Variants in CACNA1C observed in about 807,000 individuals in gnomAD.
CACNA1C encodes the protein voltage-dependent L-type calcium channel subunit alpha-1C.
A neutral mutation model predicts 229.0 loss-of-function variants in CACNA1C; 30 were observed. The observed-to-expected ratio is 0.13, with a 90% CI of 0.10 to 0.18. The LOEUF is 0.18. Ranked by LOEUF, CACNA1C falls within the 10% of genes least tolerant of loss-of-function variation. The pLI is 1.00. For missense variants in CACNA1C, 1,658 were observed against 2,845.0 expected, an observed-to-expected ratio of 0.58 and a Z score of 9.49; for synonymous variants, 1,114 against 1,132.5, an observed-to-expected ratio of 0.98 and a Z score of 0.33.
intron 34 of CACNA1C, among the ~76,000 whole-genome samples, chr12:2,659,520 G>C (rs2095596255): frequency 1.3e-5 from 2 of 152,148 alleles, no homozygotes; most frequent in South Asian, 4.1e-4. Flanking sequence ...ACACAGGACT[G>C]TACTTAGAAA....
At chr12:2,055,971 C>A (rs1490695905) in intron 1 of CACNA1C, among the ~76,000 whole-genome samples, 1 of 152,000 alleles carries the variant, frequency 6.6e-6, no homozygotes, top group East Asian at 1.9e-4. Flanking sequence ...CTAAAGGGGG[C>A]GGGTGAGCCA....
chr12:2,590,489 G>A (rs2153277126), intron 18 of CACNA1C, among the ~76,000 whole-genome samples: 2 of 152,296 alleles, frequency 1.3e-5, no homozygotes, highest in African/African-American at 4.8e-5. Flanking sequence ...TGATCTGTCA[G>A]CATCCCTCCT....
chr12:2,591,069 T>C (rs142804257), intron 18 of CACNA1C, among the ~76,000 whole-genome samples: 5 of 152,278 alleles, frequency 3.3e-5, no homozygotes, highest in African/African-American at 1.2e-4. Context: ...GCTGAAAAAA[T>C]ATTAATTGTC....
intron 13 of CACNA1C, among the ~76,000 whole-genome samples, chr12:2,576,767 A>T (rs1600760653): frequency 1.3e-5 from 2 of 151,878 alleles, no homozygotes; most frequent in Non-Finnish European, 1.5e-5. Flanking sequence ...ACGTCACCCT[A>T]CCCACCTCAA....
chr12:2,599,800 C>T (rs1256390285), intron 21 of CACNA1C, among the ~76,000 whole-genome samples: 6 of 152,200 alleles, frequency 3.9e-5, no homozygotes, highest in African/African-American at 1.2e-4. Flanking sequence ...CCACAGATGA[C>T]TTTCAAGTAA....
intron 29 of CACNA1C, among the ~76,000 whole-genome samples, chr12:2,629,316 A>G (rs2089131559): frequency 6.6e-6 from 1 of 151,822 alleles, no homozygotes; most frequent in South Asian, 2.1e-4. Flanking sequence ...CCCTTTTCCC[A>G]CTGGGAGATG....
chr12:2,689,831 TGAG>T lies in CACNA1C; in HGVS notation c.6117+1056_6117+1058del, dbSNP rs764502416. The T allele has an allele frequency of 4.6e-5, 7 of 151,996 alleles. No homozygotes were observed. The highest frequency in any genetic ancestry group is 8.8e-5 in the Non-Finnish European group (6 of 68,034). 9.4% of individuals were successfully genotyped at this position (151,996 alleles called of 1,614,324 possible). ...CTGCTCTCATGAGCTCACATCATGG[TGAG>T]GAGAGACAGATAATAAACACATACA... is the stretch of plus-strand genomic sequence containing the variant. On this transcript the variant is annotated intron_variant, in intron 46 of 46. Coordinates refer to ENST00000399655, the MANE Select transcript of CACNA1C (RefSeq NM_000719.7). The surrounding 1 kb of genome is among the most constrained non-coding windows in gnomAD (Gnocchi z 4.2).
chr12:2,498,049 T>C lies in CACNA1C; in HGVS notation c.1113+4663T>C, dbSNP rs751339360. Among the ~76,000 whole-genome samples the C allele has an allele frequency of 1.1e-4, 17 of 151,926 alleles. 1 individual carries two copies. Among genetic ancestry groups the C allele is most frequent in the Non-Finnish European group, 2.4e-4 (16 of 68,016 alleles). On this transcript the variant is annotated intron_variant, in intron 7 of 46. Coordinates refer to ENST00000399655, the MANE Select transcript of CACNA1C (RefSeq NM_000719.7). ...ATTGGTGCTGCTGAAATATCCCTCG[T>C]TTATGACAAAGACCTTTTGCATCCA... is the stretch of plus-strand genomic sequence containing the variant.
chr12:2,363,582 C>G (rs895878613), intron 3 of CACNA1C, among the ~76,000 whole-genome samples: 1 of 152,140 alleles, frequency 6.6e-6, no homozygotes, highest in Non-Finnish European at 1.5e-5. Flanking sequence ...ACAGTGCCCA[C>G]CCCACCCCAG....
chr12:2,383,400 G>C (rs2098300661), intron 3 of CACNA1C, among the ~76,000 whole-genome samples: 1 of 152,176 alleles, frequency 6.6e-6, no homozygotes, highest in Admixed American at 6.5e-5. Flanking sequence ...CAGCAACATA[G>C]CTGTAGTTCG....
Position 2,691,951 on chromosome 12 carries a change from C to T in CACNA1C, c.*752C>T, listed in dbSNP as rs1451817696. 1 of 152,162 alleles carries T rather than the reference C, an allele frequency of 6.6e-6. No homozygotes were observed. The highest frequency in any genetic ancestry group is 1.9e-4 in the East Asian group (1 of 5,172). The allele number at this position is 152,162 out of a possible 1,614,324, so 9.4% of individuals were successfully genotyped here. A position where few individuals can be genotyped will look rare whatever the true frequency, so the allele number is the denominator to read the frequency against. On this transcript the variant is annotated 3_prime_UTR_variant, in exon 47 of 47. Coordinates refer to ENST00000399655, the MANE Select transcript of CACNA1C (RefSeq NM_000719.7). ...TTGACAGCATGTTGCAGTTTCTTTT[C>T]GGTTTTGGTTTTTTTTAAATGTTTT...
chr12:2,167,789 T>A (rs1418768364), intron 3 of CACNA1C, among the ~76,000 whole-genome samples: 2 of 152,188 alleles, frequency 1.3e-5, no homozygotes, highest in African/African-American at 4.8e-5. Flanking sequence ...TCCTGCAGAT[T>A]TCTATCTAGT....
intron 3 of CACNA1C, among the ~76,000 whole-genome samples, chr12:2,143,324 G>A (rs1486014711): frequency 4.0e-5 from 6 of 151,026 alleles, no homozygotes; most frequent in African/African-American, 1.2e-4. Flanking sequence ...TTGTAAAGTC[G>A]ACAGTAGTGT....
intron 1 of CACNA1C, among the ~76,000 whole-genome samples, chr12:2,073,423 A>G (rs1250383859): frequency 2.0e-5 from 3 of 151,990 alleles, no homozygotes; most frequent in African/African-American, 7.3e-5. Context: ...CTGAAACATG[A>G]CCACAGAGAA....
intron 31 of CACNA1C, among the ~76,000 whole-genome samples, chr12:2,648,927 G>C (rs780464236): frequency 7.9e-5 from 12 of 152,190 alleles, no homozygotes; most frequent in Non-Finnish European, 1.6e-4. Context: ...GGTGCTCTAG[G>C]CAGGAGATGG....
Position 2,479,474 on chromosome 12 carries a change from T to G in CACNA1C, c.758-6630T>G, listed in dbSNP as rs2099656362. Among the ~76,000 whole-genome samples the G allele has an allele frequency of 6.6e-6, 1 of 152,222 alleles. No homozygotes were observed. Among genetic ancestry groups the G allele is most frequent in the Non-Finnish European group, 1.5e-5 (1 of 68,038 alleles). On this transcript the variant is annotated intron_variant, in intron 5 of 46. Coordinates refer to ENST00000399655, the MANE Select transcript of CACNA1C (RefSeq NM_000719.7). The surrounding 1 kb of genome is among the most constrained non-coding windows in gnomAD (Gnocchi z 4.3). ...AGCGAAGCTTAGAATTTGCCCACCA[T>G]CTAGTGACTCTTTTTGTTTGGATTT...
chr12:2,633,701 A>G lies in CACNA1C; in HGVS notation c.3829-596A>G. ...TGGCAGCATAATTGACGTCATTCTC[A>G]GTGAGACTAATGTGAGTATTACTCT... On this transcript the variant is annotated intron_variant, in intron 29 of 46. Coordinates refer to ENST00000399655, the MANE Select transcript of CACNA1C (RefSeq NM_000719.7). The surrounding 1 kb of genome is among the most constrained non-coding windows in gnomAD (Gnocchi z 5.8). The G allele has an allele frequency of 6.3e-7, 1 of 1,593,636 alleles. No homozygotes were observed. The highest frequency in any genetic ancestry group is 1.1e-5 in the South Asian group (1 of 90,620).
intron 10 of CACNA1C, among the ~76,000 whole-genome samples, chr12:2,556,126 C>T (rs572145464): frequency 6.6e-6 from 1 of 152,266 alleles, no homozygotes; most frequent in South Asian, 2.1e-4. Context: ...CATTCTCTCA[C>T]TCTCCCTGTC....
At chr12:2,623,936 G>A (rs11615651) in intron 29 of CACNA1C, among the ~76,000 whole-genome samples, 7,077 of 152,200 alleles carry the variant, frequency 0.046, 213 homozygotes, top group Middle Eastern at 0.12. Flanking sequence ...CTCCGGAGCC[G>A]CCATCCGTGC....
Sources: gnomAD v4.1 joint callset for allele counts (sites outside exome capture counted in the v4.1 genomes callset) on GRCh38, gnomAD v4.1.1 for gene constraint, Gnocchi (gnomAD v3.1) non-coding constraint, MANE v1.5 for transcripts, NCBI Gene and HGNC (gene_info 2026-07-23, HGNC 2026-07-21) for gene names.